The following RALYL variants were observed in gnomAD, a reference collection of about 807,000 sequenced individuals.
RALYL encodes the protein RNA-binding Raly-like protein.
In RALYL, 29 loss-of-function variants were observed where a neutral mutation model predicts 35.1. That is an observed-to-expected ratio of 0.83 (90% CI 0.61 to 1.13). RALYL has a LOEUF of 1.13. Among genes scored for constraint, RALYL ranks in the 50% most tolerant of loss-of-function variants. RALYL has a pLI of 0.00. For synonymous variants in RALYL, 120 were observed against 127.6 expected (o/e 0.94, Z 0.40); for missense variants, 359 against 360.4 (o/e 1.00, Z 0.03).
intron 1 of RALYL, among the ~76,000 whole-genome samples, chr8:84,190,510 T>A (rs1242211058): frequency 1.3e-5 from 2 of 152,222 alleles, no homozygotes; most frequent in Middle Eastern, 3.2e-3. Context: ...GACTTGGTCA[T>A]AAGTCCTCAC....
At chr8:84,572,928 A>G (rs1444136076) in intron 2 of RALYL, among the ~76,000 whole-genome samples, 1 of 150,674 alleles carries the variant, frequency 6.6e-6, no homozygotes, top group Non-Finnish European at 1.5e-5. Flanking sequence ...CTACTATTGG[A>G]TTTTTTTGCT....
At chr8:84,511,047 T>C (rs1389873380) in intron 1 of RALYL, among the ~76,000 whole-genome samples, 3 of 152,182 alleles carry the variant, frequency 2.0e-5, no homozygotes, top group Non-Finnish European at 4.4e-5. Context: ...TGAAACGTTT[T>C]ACCCTTTGAT....
chr8:84,873,403 T>A lies in RALYL; in HGVS notation c.685+6T>A. ...ACAGCAGAAGGCGGAGGCAGGTAAG[T>A]GATCTCTGATCACAGACAGGTCAGA... On this transcript the variant is annotated splice_donor_region_variant and intron_variant, in intron 7 of 8. Transcript: ENST00000521268. 1 of 1,511,376 alleles carries A rather than the reference T, an allele frequency of 6.6e-7. No individual in the cohort carries two copies. Among genetic ancestry groups the A allele is most frequent in the Non-Finnish European group, 9.1e-7 (1 of 1,098,548 alleles). 93.6% of individuals were successfully genotyped at this position (1,511,376 alleles called of 1,614,324 possible). A position where few individuals can be genotyped will look rare whatever the true frequency, so the allele number is the denominator to read the frequency against.
chr8:84,666,120 T>C (rs2131732395), intron 2 of RALYL, among the ~76,000 whole-genome samples: 1 of 152,148 alleles, frequency 6.6e-6, no homozygotes, highest in African/African-American at 2.4e-5. Context: ...TAACAGCTCT[T>C]TGATTCTGCC....
chr8:84,269,095 G>T (rs1201359865), intron 1 of RALYL, among the ~76,000 whole-genome samples: 1 of 152,080 alleles, frequency 6.6e-6, no homozygotes, highest in East Asian at 1.9e-4. Context: ...TTCTTTTCAG[G>T]TAATGAGCTT....
At chr8:84,435,036 A>G (rs769010523) in intron 1 of RALYL, among the ~76,000 whole-genome samples, 7 of 152,176 alleles carry the variant, frequency 4.6e-5, no homozygotes, top group African/African-American at 9.6e-5. Context: ...CAATTGCTCC[A>G]TTCGGCTTTT....
At chr8:84,445,567 A>C (rs1563943812) in intron 1 of RALYL, among the ~76,000 whole-genome samples, 1 of 151,900 alleles carries the variant, frequency 6.6e-6, no homozygotes, top group Non-Finnish European at 1.5e-5. Flanking sequence ...AAATCATTAA[A>C]AAGTTTTTCT....
At chr8:84,832,212 G>C (rs565103388) in intron 4 of RALYL, among the ~76,000 whole-genome samples, 5 of 152,148 alleles carry the variant, frequency 3.3e-5, no homozygotes, top group Admixed American at 1.3e-4. Context: ...TATAAGAAAT[G>C]CCTCTTAAAT....
chr8:84,267,817 G>GT (rs985110405), intron 1 of RALYL, among the ~76,000 whole-genome samples: 2 of 152,254 alleles, frequency 1.3e-5, no homozygotes, highest in African/African-American at 4.8e-5. Flanking sequence ...ATTGAGAGGT[G>GT]TTTTTTTGTT....
At chr8:84,198,005 G>A (rs1815817517) in intron 1 of RALYL, among the ~76,000 whole-genome samples, 1 of 152,126 alleles carries the variant, frequency 6.6e-6, no homozygotes, top group Non-Finnish European at 1.5e-5. Flanking sequence ...TAATTAATTA[G>A]TGAAGTAGTT....
intron 1 of RALYL, among the ~76,000 whole-genome samples, chr8:84,464,003 T>C (rs1283998727): frequency 2.0e-5 from 3 of 152,066 alleles, no homozygotes; most frequent in Non-Finnish European, 4.4e-5. Flanking sequence ...TTCCTTCACT[T>C]GTCATAATTC....
At chr8:84,353,440 T>G (rs1851276480) in intron 1 of RALYL, among the ~76,000 whole-genome samples, 1 of 150,392 alleles carries the variant, frequency 6.6e-6, no homozygotes, top group Non-Finnish European at 1.5e-5. Context: ...ATCTCTTCTT[T>G]TACACTATTT....
rs189133448 is a variant in RALYL, at chr8:84,685,158, A to G, written c.257-89421A>G. On this transcript the variant is annotated intron_variant, in intron 2 of 8. Transcript: ENST00000521268. Reference sequence around the variant, plus strand: ...TCACATTGGAGGCTGGGGTTTTGACATGGGAATGTATTGAGACACAAACAT... The same window carrying G: ...TCACATTGGAGGCTGGGGTTTTGACGTGGGAATGTATTGAGACACAAACAT... 9.9e-5 allele frequency among the ~76,000 whole-genome samples: 15 copies of G among 152,260 alleles called. No individual in the cohort carries two copies. In the East Asian group the frequency reaches 2.7e-3, roughly 27 times the overall value.
chr8:84,480,267 C>G (rs375439770), intron 1 of RALYL, among the ~76,000 whole-genome samples: 99 of 152,120 alleles, frequency 6.5e-4, no homozygotes, highest in African/African-American at 2.3e-3. Flanking sequence ...AAAGAGTGCA[C>G]TTTGTTCTGA....
At chr8:84,211,330 G>A (rs369832113) in intron 1 of RALYL, among the ~76,000 whole-genome samples, 7 of 152,058 alleles carry the variant, frequency 4.6e-5, no homozygotes, top group Non-Finnish European at 1.0e-4. Context: ...TTTAACAACT[G>A]GTCTTCATTT....
At chr8:84,697,429 C>T (rs1292307329) in intron 2 of RALYL, among the ~76,000 whole-genome samples, 1 of 151,932 alleles carries the variant, frequency 6.6e-6, no homozygotes, top group African/African-American at 2.4e-5. Flanking sequence ...TGGAAATTTG[C>T]TCTGGGTCAT....
chr8:84,240,942 C>T (rs1030130747), intron 1 of RALYL, among the ~76,000 whole-genome samples: 8 of 152,028 alleles, frequency 5.3e-5, no homozygotes. Flanking sequence ...TCATTCCCTA[C>T]CTCCCTTGGT....
At chr8:84,864,994 T>A (rs1035577486) in intron 6 of RALYL, 1 of 200,462 alleles carries the variant, frequency 5.0e-6, no homozygotes, top group Non-Finnish European at 1.0e-5. Flanking sequence ...AAGCTAACTG[T>A]TGATTAGTGT....
chr8:84,293,285 A>G (rs1480063565), intron 1 of RALYL, among the ~76,000 whole-genome samples: 8 of 152,180 alleles, frequency 5.3e-5, no homozygotes, highest in Admixed American at 3.3e-4. Flanking sequence ...TAACGTTCAT[A>G]TGACTACAAT....
Sources: allele counts gnomAD v4.1 joint callset (sites outside exome capture counted in the v4.1 genomes callset), GRCh38; gene constraint gnomAD v4.1.1; transcripts MANE v1.5; gene names NCBI Gene and HGNC (gene_info 2026-07-23, HGNC 2026-07-21).